The following VIT variants were observed in gnomAD, a reference collection of about 807,000 sequenced individuals.
The protein encoded by VIT is vitrin.
VIT carries 99 observed loss-of-function variants against 78.0 expected under a neutral mutation model. The observed-to-expected ratio is 1.27, with a 90% CI of 1.08 to 1.50. The LOEUF (loss-of-function observed/expected upper bound fraction) is 1.50, where lower values mean the gene tolerates loss of function less well. VIT is among the 40% of genes most tolerant of loss of function. The probability of loss-of-function intolerance (pLI) is 0.00; values close to 1 mark genes in which losing one functional copy is unlikely to be tolerated. For missense variants in VIT, 1,126 were observed against 875.3 expected (o/e 1.29, Z -3.61); for synonymous variants, 374 against 334.3 (o/e 1.12, Z -1.29).
At chr2:36,723,495 C>G (rs774423818) in intron 2 of VIT, among the ~76,000 whole-genome samples, 1 of 152,158 alleles carries the variant, frequency 6.6e-6, no homozygotes, top group African/African-American at 2.4e-5. Flanking sequence ...TCCATATTTA[C>G]TAGCATGATA....
At chr2:36,713,294 TACA>T (rs1318294551) in intron 1 of VIT, among the ~76,000 whole-genome samples, 4 of 152,144 alleles carry the variant, frequency 2.6e-5, no homozygotes, top group Non-Finnish European at 5.9e-5. Flanking sequence ...GAAAAGGTAG[TACA>T]ACAAGTGCAG....
chr2:36,780,163 G>T (rs1023890638), intron 9 of VIT, among the ~76,000 whole-genome samples: 2 of 152,174 alleles, frequency 1.3e-5, no homozygotes, highest in Non-Finnish European at 2.9e-5. Context: ...GTTCAAACTT[G>T]TCCCAAACAA....
intron 5 of VIT, among the ~76,000 whole-genome samples, chr2:36,758,275 G>C (rs983420791): frequency 4.6e-5 from 7 of 152,270 alleles, no homozygotes; most frequent in African/African-American, 1.4e-4. Flanking sequence ...TCAGAAAAAT[G>C]ACTTGCCTTC....
chr2:36,699,610 A>AGATATATAGGTAGG (rs1553357692), intron 1 of VIT, among the ~76,000 whole-genome samples: 4 of 102,404 alleles, frequency 3.9e-5, no homozygotes, highest in Admixed American at 1.1e-4. Context: ...AGATATAGAT[A>AGATATATAGGTAGG]TAGATAGATA....
At chr2:36,729,291 T>C in intron 2 of VIT, 135 bp from the exon 3 acceptor site, 1 of 644,756 alleles carries the variant, frequency 1.6e-6, no homozygotes, top group African/African-American at 1.8e-5. Flanking sequence ...CATTAAGTGA[T>C]GCATGACTGT....
chr2:36,780,758 A>G (rs375207066), intron 9 of VIT, among the ~76,000 whole-genome samples: 12 of 151,940 alleles, frequency 7.9e-5, no homozygotes, highest in South Asian at 2.1e-4. Flanking sequence ...CCTTTAAGAA[A>G]TAAAACAGTT....
chr2:36,725,025 A>G (rs1441126946), intron 2 of VIT, among the ~76,000 whole-genome samples: 1 of 152,228 alleles, frequency 6.6e-6, no homozygotes, highest in Non-Finnish European at 1.5e-5. Flanking sequence ...ACAAGAGGCT[A>G]CTATAAAAAT....
intron 12 of VIT, among the ~76,000 whole-genome samples, chr2:36,793,963 C>G (rs922121667): frequency 1.2e-4 from 19 of 152,162 alleles, no homozygotes; most frequent in African/African-American, 4.6e-4. Flanking sequence ...CATGGATTTT[C>G]TTTCAAGGAG....
At chr2:36,805,754 T>A in intron 14 of VIT, 90 bp downstream of exon 14, 1 of 1,367,670 alleles carries the variant, frequency 7.3e-7, no homozygotes, top group Non-Finnish European at 1.0e-6. Context: ...CCCATGCCTT[T>A]AAATGTGCAT....
At position 36,722,844 on chromosome 2, in the gene VIT, T is replaced by C. The variant is rs563354894; in HGVS notation, c.52+6422T>C. Among the ~76,000 whole-genome samples the C allele has an allele frequency of 2.6e-5, 4 of 152,302 alleles. No homozygotes were observed. The East Asian group carries it at 7.7e-4, about 29-fold the overall frequency. On this transcript the variant is annotated intron_variant, in intron 2 of 15. Transcript: ENST00000379242. Reference sequence around the variant, plus strand: ...ACTGGAAAACATGAGCACAGATTAATCATGCCAATAATTTTAGAAAGCAAT... The same window carrying C: ...ACTGGAAAACATGAGCACAGATTAACCATGCCAATAATTTTAGAAAGCAAT...
intron 12 of VIT, among the ~76,000 whole-genome samples, chr2:36,798,309 TG>T (rs1666055330): frequency 6.6e-6 from 1 of 152,036 alleles, no homozygotes. Flanking sequence ...GCCAGAAGCA[TG>T]GGGGCCAGGA....
At chr2:36,759,873 G>A (rs961448386) in intron 6 of VIT, among the ~76,000 whole-genome samples, 2 of 152,148 alleles carry the variant, frequency 1.3e-5, no homozygotes, top group African/African-American at 2.4e-5. Context: ...AATCACCGTA[G>A]ACCACCATCG....
chr2:36,702,819 C>CA (rs1665149426), intron 1 of VIT, among the ~76,000 whole-genome samples: 1 of 152,150 alleles, frequency 6.6e-6, no homozygotes, highest in East Asian at 1.9e-4. Flanking sequence ...TCCCCTACTG[C>CA]GTTGGGGATT....
chr2:36,730,681 G>A (rs926794472), intron 3 of VIT, among the ~76,000 whole-genome samples: 1 of 152,228 alleles, frequency 6.6e-6, no homozygotes, highest in African/African-American at 2.4e-5. Flanking sequence ...CAGTTCCTGA[G>A]CTCTTGTACC....
chr2:36,773,486 T>C (rs1013257634), intron 7 of VIT, among the ~76,000 whole-genome samples: 2 of 152,156 alleles, frequency 1.3e-5, no homozygotes, highest in African/African-American at 4.8e-5. Flanking sequence ...GGCTCATGCC[T>C]TGGGAGGCTG....
At chr2:36,799,977 G>C (rs1057285479) in intron 12 of VIT, among the ~76,000 whole-genome samples, 2 of 151,478 alleles carry the variant, frequency 1.3e-5, no homozygotes, top group African/African-American at 4.9e-5. Context: ...GAACCCGGGA[G>C]GTGGAGACTG....
chr2:36,803,319 T>G (rs1666465422), intron 13 of VIT, among the ~76,000 whole-genome samples: 1 of 152,252 alleles, frequency 6.6e-6, no homozygotes, highest in Non-Finnish European at 1.5e-5. Flanking sequence ...TTCATGGAAC[T>G]AAAACAAAGC....
intron 5 of VIT, among the ~76,000 whole-genome samples, chr2:36,756,079 T>C (rs545614351): frequency 7.8e-4 from 117 of 149,388 alleles, no homozygotes; most frequent in African/African-American, 2.8e-3. Flanking sequence ...TGCCTCAGCC[T>C]CCCGAGTAGC....
intron 1 of VIT, among the ~76,000 whole-genome samples, chr2:36,698,251 G>A (rs767952649): frequency 3.3e-5 from 5 of 152,094 alleles, no homozygotes; most frequent in Non-Finnish European, 7.4e-5. Context: ...TAGGAAGATT[G>A]GAAATGCTTA....
Sources: gnomAD v4.1 joint callset for allele counts (sites outside exome capture counted in the v4.1 genomes callset) on GRCh38, gnomAD v4.1.1 for gene constraint, MANE v1.5 for transcripts, NCBI Gene and HGNC (gene_info 2026-07-23, HGNC 2026-07-21) for gene names.